The following LRP1B variants were observed in gnomAD, a reference collection of about 807,000 sequenced individuals.
LRP1B encodes the protein low-density lipoprotein receptor-related protein 1B.
In LRP1B, 217 loss-of-function variants were observed where a neutral mutation model predicts 556.6. The observed-to-expected ratio is 0.39, with a 90% CI of 0.35 to 0.44. LRP1B has a LOEUF of 0.44. Ranked by LOEUF, LRP1B falls within the 20% of genes least tolerant of loss-of-function variation. LRP1B has a pLI of 1.00. For synonymous variants in LRP1B, 2,047 were observed against 1,865.8 expected (o/e 1.10, Z -2.50); for missense variants, 5,053 against 5,620.8 (o/e 0.90, Z 3.23).
At chr2:141,542,776 T>C (rs539309122) in intron 2 of LRP1B, among the ~76,000 whole-genome samples, 1 of 152,276 alleles carries the variant, frequency 6.6e-6, no homozygotes, top group Non-Finnish European at 1.5e-5. Context: ...TGGATGACCT[T>C]TTTTTCTATT....
chr2:141,706,916 A>G (rs1323613870), intron 2 of LRP1B, among the ~76,000 whole-genome samples: 2 of 152,094 alleles, frequency 1.3e-5, no homozygotes, highest in African/African-American at 4.8e-5. Flanking sequence ...CTTAGGCAAA[A>G]AGCCATGTTA....
At chr2:140,777,112 G>A (rs1473415214) in intron 32 of LRP1B, among the ~76,000 whole-genome samples, 1 of 152,134 alleles carries the variant, frequency 6.6e-6, no homozygotes, top group Non-Finnish European at 1.5e-5. Flanking sequence ...AATGTAAAAG[G>A]ATTTGAATGA....
intron 18 of LRP1B, among the ~76,000 whole-genome samples, chr2:140,968,476 A>T (rs1298016186): frequency 1.8e-4 from 25 of 142,142 alleles, no homozygotes; most frequent in African/African-American, 6.4e-4. Context: ...TTAAAAAAAC[A>T]ACTCCTGGAT....
Position 141,013,696 on chromosome 2 carries a change from T to C in LRP1B, c.2240A>G (p.His747Arg). 6.2e-7 allele frequency: 1 copy of C among 1,604,098 alleles called. No homozygotes were observed. Among genetic ancestry groups the C allele is most frequent in the Non-Finnish European group, 8.5e-7 (1 of 1,175,568 alleles). ...ATCAGTCCAGAACACATAATTTCCATGATGCGACAGTCCGAAAGGGTGGTT... is the reference window on the plus strand; with the variant it reads ...ATCAGTCCAGAACACATAATTTCCACGATGCGACAGTCCGAAAGGGTGGTT... ...ELNHPFGLSH[H>R]GNYVFWTDYM... is the part of the protein sequence containing the mutation. Residue 747 changes from histidine to arginine, a missense_variant, in exon 14 of 91, where the codon CAT (histidine) becomes CGT (arginine). His to Arg is a conservative substitution (Grantham distance 29). Coordinates refer to ENST00000389484, the MANE Select transcript of LRP1B (RefSeq NM_018557.3).
Position 140,506,801 on chromosome 2 carries a change from T to G in LRP1B, c.8516A>C (p.Gln2839Pro). Residue 2839 changes from glutamine to proline, a missense_variant, in exon 53 of 91, where the codon CAG becomes CCG. Physicochemically the swap from Gln to Pro is moderately conservative, Grantham distance 76. Coordinates refer to ENST00000389484, the MANE Select transcript of LRP1B (RefSeq NM_018557.3). ...GAAGTTTTAGATGTACTTACCACAC[T>G]GCGGTGACTCATCAGAGCCATCTCC... ...DCGDGSDESP[Q>P]CGYRQCGTEE... 1.2e-6 allele frequency: 2 copies of G among 1,612,972 alleles called. No individual in the cohort carries two copies. The highest frequency in any genetic ancestry group is 1.7e-6 in the Non-Finnish European group (2 of 1,179,466).
chr2:140,520,275 A>G (rs1690103063), intron 49 of LRP1B, among the ~76,000 whole-genome samples: 1 of 152,210 alleles, frequency 6.6e-6, no homozygotes, highest in Admixed American at 6.5e-5. Flanking sequence ...CTATGCAACC[A>G]TAGAAAAGGA....
chr2:141,041,361 C>T (rs1467942332), intron 11 of LRP1B, among the ~76,000 whole-genome samples: 1 of 152,162 alleles, frequency 6.6e-6, no homozygotes, highest in African/African-American at 2.4e-5. Context: ...TTTCACCGGG[C>T]TAAAGTCTAG....
At chr2:141,256,367 G>A (rs547581570) in intron 3 of LRP1B, among the ~76,000 whole-genome samples, 1 of 151,748 alleles carries the variant, frequency 6.6e-6, no homozygotes, top group East Asian at 1.9e-4. Flanking sequence ...AATGCTTGAT[G>A]TAGTTAAAAA....
In LRP1B at chr2:140,762,947, G is replaced by A. The variant is rs189915138; in HGVS notation, c.5758+6266C>T. 3.3e-5 allele frequency among the ~76,000 whole-genome samples: 5 copies of A among 152,066 alleles called. No homozygotes were observed. In the East Asian group the frequency reaches 7.7e-4, roughly 24 times the overall value. On this transcript the variant is annotated intron_variant, in intron 35 of 90. Transcript: ENST00000389484. ...AGTTGAAGATACTAAAGGTACCAACGTACCTAAGCTAAAAGAGATCTCCTC... is the reference window on the plus strand; with the variant it reads ...AGTTGAAGATACTAAAGGTACCAACATACCTAAGCTAAAAGAGATCTCCTC...
chr2:141,976,999 C>T (rs1701904680), intron 1 of LRP1B, among the ~76,000 whole-genome samples: 1 of 151,970 alleles, frequency 6.6e-6, no homozygotes, highest in Admixed American at 6.6e-5. Context: ...AATTTTGAAC[C>T]TTGGAATATT....
At chr2:140,951,377 G>T (rs1480376931) in intron 19 of LRP1B, among the ~76,000 whole-genome samples, 2 of 152,114 alleles carry the variant, frequency 1.3e-5, no homozygotes, top group Non-Finnish European at 2.9e-5. Flanking sequence ...GGAATGCATT[G>T]ATTCCTATAT....
chr2:140,956,572 C>T (rs888878811), intron 18 of LRP1B, among the ~76,000 whole-genome samples: 44 of 151,664 alleles, frequency 2.9e-4, no homozygotes, highest in African/African-American at 9.2e-4. Flanking sequence ...GATATTGACA[C>T]TAGTTGTGGC....
chr2:141,928,186 G>T (rs1700387897), intron 1 of LRP1B, among the ~76,000 whole-genome samples: 1 of 152,078 alleles, frequency 6.6e-6, no homozygotes, highest in Non-Finnish European at 1.5e-5. Context: ...TGATGACCTT[G>T]TCCCCATCAT....
Position 140,761,180 on chromosome 2 carries a change from A to G in LRP1B, c.5758+8033T>C, listed in dbSNP as rs116471658. Among the ~76,000 whole-genome samples, 387 of 152,348 alleles carry G rather than the reference A, an allele frequency of 2.5e-3. 2 individuals are homozygous for G. The highest frequency in any genetic ancestry group is 9.1e-3 in the African/African-American group (377 of 41,592). ...CTGGAGGCAAAATGAGGATCAAGAC[A>G]ATGACCATAAACTTTTACATTAATA... On this transcript the variant is annotated intron_variant, in intron 35 of 90. Transcript: ENST00000389484.
chr2:140,828,868 T>C (rs1180158551), intron 31 of LRP1B, among the ~76,000 whole-genome samples: 1 of 150,846 alleles, frequency 6.6e-6, no homozygotes, highest in East Asian at 1.9e-4. Flanking sequence ...TTAGGCTATA[T>C]GCTACTTGTA....
At chr2:141,001,303 G>A (rs17521293) in intron 15 of LRP1B, among the ~76,000 whole-genome samples, 5,111 of 132,644 alleles carry the variant, frequency 0.039, 102 homozygotes, top group African/African-American at 0.048. Context: ...AATTGAATAA[G>A]CCTGTAAGCT....
Position 140,419,181 on chromosome 2 carries a change from TATC to T in LRP1B, c.10414+23320_10414+23322del, listed in dbSNP as rs112305960. 5.6e-3 allele frequency among the ~76,000 whole-genome samples: 850 copies of T among 152,260 alleles called. 5 individuals are homozygous for T. Among genetic ancestry groups the T allele is most frequent in the African/African-American group, 0.018 (747 of 41,546 alleles). On this transcript the variant is annotated intron_variant, in intron 66 of 90. Coordinates refer to ENST00000389484, the MANE Select transcript of LRP1B (RefSeq NM_018557.3). Reference sequence around the variant, plus strand: ...GAGGCCACAATCATATCAAAGTAGATATCATAGCAAAGAATATCACCAGATATA... The same window carrying T: ...GAGGCCACAATCATATCAAAGTAGATATAGCAAAGAATATCACCAGATATA...
chr2:141,600,144 T>G (rs1308181120), intron 2 of LRP1B, among the ~76,000 whole-genome samples: 1 of 152,234 alleles, frequency 6.6e-6, no homozygotes, highest in Admixed American at 6.5e-5. Flanking sequence ...GTATAAATAG[T>G]GATCAATTCC....
chr2:141,225,491 G>A (rs111784688), intron 6 of LRP1B, among the ~76,000 whole-genome samples: 5 of 152,172 alleles, frequency 3.3e-5, no homozygotes, highest in African/African-American at 1.2e-4. Context: ...GGGTATCTGT[G>A]TCCTTACCAC....
Sources: gnomAD v4.1 joint callset for allele counts (sites outside exome capture counted in the v4.1 genomes callset) on GRCh38, gnomAD v4.1.1 for gene constraint, MANE v1.5 for transcripts, NCBI Gene and HGNC (gene_info 2026-07-23, HGNC 2026-07-21) for gene names.